The following TMTC4 variants were observed in gnomAD, a reference collection of about 807,000 sequenced individuals.
TMTC4 encodes protein O-mannosyl-transferase TMTC4.
A neutral mutation model predicts 86.0 loss-of-function variants in TMTC4; 65 were observed. The ratio of observed to expected loss-of-function variants is 0.76; its 90% CI spans 0.62 to 0.93. The LOEUF (loss-of-function observed/expected upper bound fraction) is 0.93, where lower values mean the gene tolerates loss of function less well. Ranked by LOEUF, TMTC4 falls within the 40% of genes least tolerant of loss-of-function variation. The probability of loss-of-function intolerance (pLI) is 0.00; values close to 1 mark genes in which losing one functional copy is unlikely to be tolerated. For missense variants in TMTC4, 866 were observed against 948.1 expected (o/e 0.91, Z 1.14); for synonymous variants, 379 against 382.5 (o/e 0.99, Z 0.11).
chr13:100,656,542 C>CATT, intron 5 of TMTC4, 74 bp from the exon 6 acceptor site: 2 of 384,136 alleles, frequency 5.2e-6, no homozygotes, highest in Non-Finnish European at 4.2e-6. Context: ...GGAGACATAA[C>CATT]TTTTTTTTTT....
chr13:100,628,469 C>G (rs192132831), intron 12 of TMTC4, among the ~76,000 whole-genome samples: 1 of 152,154 alleles, frequency 6.6e-6, no homozygotes, highest in Non-Finnish European at 1.5e-5. Flanking sequence ...GTGTACAAAT[C>G]TCTCTGAGTC....
chr13:100,658,338 G>C (rs1405816404), intron 5 of TMTC4, among the ~76,000 whole-genome samples: 3 of 152,168 alleles, frequency 2.0e-5, no homozygotes, highest in Non-Finnish European at 4.4e-5. Flanking sequence ...GGTGAGTGAG[G>C]AGGCAGCTGG....
intron 15 of TMTC4, among the ~76,000 whole-genome samples, chr13:100,620,314 C>G (rs1879282560): frequency 6.6e-6 from 1 of 152,150 alleles, no homozygotes; most frequent in African/African-American, 2.4e-5. Context: ...CCTTCCTTCC[C>G]CTGGCAGTGT....
At position 100,635,050 on chromosome 13, in the gene TMTC4, C is replaced by T; in HGVS notation, c.1348G>A (p.Ala450Thr). Residue 450 changes from alanine to threonine, a missense_variant, in exon 11 of 19, where the codon GCC (alanine) becomes ACC (threonine). By Grantham distance (58) the Ala-to-Thr change is moderately conservative (BLOSUM62 0). Transcript: ENST00000342624. Reference protein sequence around the residue: ...YCVLLTFGFGALSKHTKKKKL... With the variant: ...YCVLLTFGFGTLSKHTKKKKL... ...TTTTTCTTGGTATGTTTGCTCAGGGCTCCGAATCCAAAAGTCAGCAGCACA... is the reference window on the plus strand; with the variant it reads ...TTTTTCTTGGTATGTTTGCTCAGGGTTCCGAATCCAAAAGTCAGCAGCACA... 1.2e-6 allele frequency: 2 copies of T among 1,612,818 alleles called. No individual in the cohort carries two copies. Among genetic ancestry groups the T allele is most frequent in the Admixed American group, 1.7e-5 (1 of 59,802 alleles).
intron 6 of TMTC4, among the ~76,000 whole-genome samples, chr13:100,648,749 G>C (rs150430903): frequency 6.6e-6 from 1 of 152,212 alleles, no homozygotes; most frequent in Non-Finnish European, 1.5e-5. Context: ...GCATGATCAT[G>C]ACTTACTGGA....
At chr13:100,639,008 C>T (rs1325187964) in intron 7 of TMTC4, among the ~76,000 whole-genome samples, 5 of 152,226 alleles carry the variant, frequency 3.3e-5, no homozygotes, top group Admixed American at 1.3e-4. Flanking sequence ...GGATTCTATT[C>T]TCTCTCCTGC....
rs1882413612 is a variant in TMTC4 at position 100,637,551 on chromosome 13, C to T, written c.986G>A (p.Ser329Asn). ...EVDNPASFAD[S>N]MLVRAVNYNY... ...CTCAGAACTCACCCTCACCAGCATG[C>T]TGTCAGCAAAGGAGGCCGGGTTGTC... The change falls in exon 9 of 19, where the codon AGC becomes AAC. Residue 329 changes from serine (S) to asparagine (N), a missense_variant. Ser to Asn is a conservative substitution (Grantham distance 46). Coordinates refer to ENST00000342624, the MANE Select transcript of TMTC4 (RefSeq NM_032813.5). 5 of 1,613,352 alleles carry T rather than the reference C, an allele frequency of 3.1e-6. No homozygotes were observed. Among genetic ancestry groups the T allele is most frequent in the African/African-American group, 1.3e-5 (1 of 74,926 alleles).
In TMTC4 at chr13:100,668,596, C is replaced by T; in HGVS notation, c.202G>A (p.Ala68Thr). The T allele has an allele frequency of 6.2e-7, 1 of 1,614,140 alleles. No homozygotes were observed. The highest frequency in any genetic ancestry group is 8.5e-7 in the Non-Finnish European group (1 of 1,180,012). ...DGDFVFDDSE[A>T]IVNNKDLQAE... ...ATACAAACCTTATTGTTAACAATAG[C>T]TTCTGAGTCATCAAAGACAAAGTCT... The change falls in exon 3 of 19, where the codon GCT becomes ACT. Residue 68 changes from alanine to threonine, a missense_variant. Transcript: ENST00000342624.
chr13:100,669,706 G>A (rs543734112), intron 2 of TMTC4, among the ~76,000 whole-genome samples: 75 of 152,154 alleles, frequency 4.9e-4, no homozygotes, highest in Admixed American at 3.2e-3. Context: ...AGTGGTCAGC[G>A]GTGCCTAACA....
chr13:100,637,785 C>T, intron 8 of TMTC4, 83 bp from the exon 9 acceptor site: 1 of 1,565,458 alleles, frequency 6.4e-7, no homozygotes, highest in Non-Finnish European at 8.7e-7. Flanking sequence ...TGCAGCAATT[C>T]TGCCTGAACT....
intron 15 of TMTC4, among the ~76,000 whole-genome samples, chr13:100,619,167 GGCTGACCCCCCCA>G (rs1879071907): frequency 6.8e-6 from 1 of 147,904 alleles, no homozygotes; most frequent in South Asian, 2.1e-4. Context: ...CCGGGCGGGG[GGCTGACCCCCCCA>G]CCTCCCTCCT....
At chr13:100,672,120 CATT>C (rs1420819598) in intron 1 of TMTC4, among the ~76,000 whole-genome samples, 1 of 152,208 alleles carries the variant, frequency 6.6e-6, no homozygotes, top group Non-Finnish European at 1.5e-5. Flanking sequence ...AACTAGTTCT[CATT>C]ATTGTTAGAT....
At chr13:100,647,350 T>C (rs1182930370) in intron 6 of TMTC4, among the ~76,000 whole-genome samples, 1 of 151,352 alleles carries the variant, frequency 6.6e-6, no homozygotes, top group African/African-American at 2.4e-5. Flanking sequence ...GCTCCATCCA[T>C]TGTTTTCAAG....
At chr13:100,674,855 A>ACCCCCCCCCGCGCACCCGC (rs1300381097), upstream of TMTC4, 1 of 942,760 alleles carries the variant, frequency 1.1e-6, no homozygotes, top group African/African-American at 1.9e-5. Context: ...CGCGCACCCG[A>ACCCCCCCCCGCGCACCCGC]CCCCCCCCGC....
At chr13:100,644,098 CTTT>C (rs35254351) in intron 6 of TMTC4, among the ~76,000 whole-genome samples, 2 of 132,272 alleles carry the variant, frequency 1.5e-5, no homozygotes, top group South Asian at 2.6e-4. Flanking sequence ...GGGAGGCGCT[CTTT>C]TTTTTTTTTT....
chr13:100,606,429 T>TA lies in TMTC4; in HGVS notation c.2065-3dup, dbSNP rs755716957. Reference sequence around the variant, plus strand: ...CTTGAGGAATAAAGCTTCAGATTCCTAAAAAATGAGAAACATAAAAAGGAA... The same window carrying TA: ...CTTGAGGAATAAAGCTTCAGATTCCTAAAAAAATGAGAAACATAAAAAGGAA... On this transcript the variant is annotated splice_region_variant and splice_polypyrimidine_tract_variant and intron_variant, in intron 17 of 18. Transcript: ENST00000342624. 4.3e-6 allele frequency: 7 copies of TA among 1,609,590 alleles called. No homozygotes were observed. The South Asian group carries it at 5.6e-5, about 13-fold the overall frequency.
intron 6 of TMTC4, among the ~76,000 whole-genome samples, chr13:100,646,078 T>A (rs1455929900): frequency 1.3e-5 from 2 of 152,110 alleles, no homozygotes; most frequent in Non-Finnish European, 2.9e-5. Context: ...CTGGATCTTA[T>A]TAGACTCAGG....
At chr13:100,618,451 C>CT (rs1204044849) in intron 15 of TMTC4, among the ~76,000 whole-genome samples, 2,689 of 82,402 alleles carry the variant, frequency 0.033, 126 homozygotes, top group African/African-American at 0.066. Flanking sequence ...TTTGTTGCTT[C>CT]TTGTTTTTTT....
chr13:100,661,771 A>G (rs1215738894), intron 5 of TMTC4, among the ~76,000 whole-genome samples: 2 of 152,254 alleles, frequency 1.3e-5, no homozygotes, highest in Admixed American at 6.5e-5. Flanking sequence ...CTAAAGTCAG[A>G]TGCTAAAAAC....
Sources: gnomAD v4.1 joint callset for allele counts (sites outside exome capture counted in the v4.1 genomes callset) on GRCh38, gnomAD v4.1.1 for gene constraint, MANE v1.5 for transcripts, NCBI Gene and HGNC (gene_info 2026-07-23, HGNC 2026-07-21) for gene names.